Variants in LRRC7 observed in about 807,000 individuals in gnomAD.
LRRC7 encodes leucine-rich repeat-containing protein 7.
Under a neutral mutation model 175.7 loss-of-function variants are expected in LRRC7, and 23 were observed. That is an observed-to-expected ratio of 0.13 (90% confidence interval 0.09 to 0.19). The LOEUF is 0.19. Ranked by LOEUF, LRRC7 falls within the 10% of genes least tolerant of loss-of-function variation. The pLI, the probability that LRRC7 is intolerant of heterozygous loss-of-function variation, is 1.00. For missense variants in LRRC7, 1,354 were observed against 1,904.7 expected (o/e 0.71, Z 5.38); for synonymous variants, 685 against 680.9 (o/e 1.01, Z -0.09).
chr1:69,789,806 G>A (rs1674900327), intron 3 of LRRC7, among the ~76,000 whole-genome samples: 1 of 152,048 alleles, frequency 6.6e-6, no homozygotes, highest in African/African-American at 2.4e-5. Context: ...CATGATTCCT[G>A]CCTCCGTCAT....
chr1:69,899,235 C>CA (rs906513149), intron 7 of LRRC7, among the ~76,000 whole-genome samples: 1 of 152,056 alleles, frequency 6.6e-6, no homozygotes, highest in Non-Finnish European at 1.5e-5. Context: ...ATTGTGGTCA[C>CA]AAAAAATCGT....
intron 1 of LRRC7, among the ~76,000 whole-genome samples, chr1:69,605,081 G>T (rs1647309294): frequency 6.6e-6 from 1 of 152,302 alleles, no homozygotes; most frequent in South Asian, 2.1e-4. Context: ...ATCTCATCTT[G>T]AATTGTAGCT....
At chr1:69,916,209 AAATTT>A (rs1646707224) in intron 7 of LRRC7, among the ~76,000 whole-genome samples, 5 of 126,862 alleles carry the variant, frequency 3.9e-5, no homozygotes, top group Admixed American at 9.6e-5. Flanking sequence ...TATAAAAATA[AAATTT>A]TATTATGTAT....
intron 1 of LRRC7, among the ~76,000 whole-genome samples, chr1:69,572,900 T>C (rs1199100106): frequency 6.6e-6 from 1 of 152,050 alleles, no homozygotes; most frequent in Non-Finnish European, 1.5e-5. Flanking sequence ...TGTTTAGTGA[T>C]AGCATAGTAT....
chr1:70,096,218 C>T (rs1013599172), intron 25 of LRRC7, among the ~76,000 whole-genome samples: 2 of 152,206 alleles, frequency 1.3e-5, no homozygotes, highest in Non-Finnish European at 2.9e-5. Context: ...CTCAGGTGAT[C>T]CGCCTGCCGC....
At chr1:69,721,521 G>A (rs988478486) in intron 2 of LRRC7, among the ~76,000 whole-genome samples, 12 of 151,612 alleles carry the variant, frequency 7.9e-5, no homozygotes, top group African/African-American at 2.9e-4. Flanking sequence ...TTTTCTTCAT[G>A]TCCTTTCATT....
Position 70,038,610 on chromosome 1 carries a change from G to T in LRRC7, c.2786G>T (p.Gly929Val), listed in dbSNP as rs753775702. ...STEIPSPFSPGVPWEYHDSNP... is the reference protein window; with the variant it reads ...STEIPSPFSPVVPWEYHDSNP... ...GAAATACCTAGTCCTTTTTCTCCAG[G>T]CGTACCATGGGAGTATCATGATTCC... is the stretch of plus-strand genomic sequence containing the variant. The change falls in exon 21 of 27, where the codon GGC (glycine) becomes GTC (valine). Residue 929 changes from glycine to valine, a missense_variant. Gly to Val is a moderately radical substitution (Grantham distance 109). Transcript: ENST00000651989. The T allele has an allele frequency of 1.9e-6, 3 of 1,613,872 alleles. No homozygotes were observed. Among genetic ancestry groups the T allele is most frequent in the Non-Finnish European group, 2.5e-6 (3 of 1,179,968 alleles).
intron 1 of LRRC7, among the ~76,000 whole-genome samples, chr1:69,609,694 G>T (rs1648390174): frequency 6.6e-6 from 1 of 151,936 alleles, no homozygotes; most frequent in South Asian, 2.1e-4. Flanking sequence ...GCCAATGTGA[G>T]AACTGCTCTT....
chr1:69,822,795 C>T (rs896247506), intron 4 of LRRC7, among the ~76,000 whole-genome samples: 2 of 152,154 alleles, frequency 1.3e-5, no homozygotes, highest in African/African-American at 2.4e-5. Flanking sequence ...AGCTTTGCTC[C>T]AATGATATGC....
intron 1 of LRRC7, among the ~76,000 whole-genome samples, chr1:69,611,567 A>G (rs1338559506): frequency 6.6e-6 from 1 of 152,056 alleles, no homozygotes; most frequent in Admixed American, 6.6e-5. Flanking sequence ...TTTCTGTTTA[A>G]AGACACTTCA....
At chr1:69,839,458 C>T (rs1211269910) in intron 7 of LRRC7, among the ~76,000 whole-genome samples, 2 of 152,162 alleles carry the variant, frequency 1.3e-5, no homozygotes, top group Middle Eastern at 3.4e-3. Context: ...GGGCCTAACC[C>T]AAGGAACCCC....
At chr1:70,072,277 G>C (rs1421378239) in intron 23 of LRRC7, among the ~76,000 whole-genome samples, 1 of 152,108 alleles carries the variant, frequency 6.6e-6, no homozygotes. Flanking sequence ...TTCCCCTTCA[G>C]TATGAGTCAG....
intron 2 of LRRC7, among the ~76,000 whole-genome samples, chr1:69,756,947 C>A (rs1464396958): frequency 1.3e-5 from 2 of 151,816 alleles, no homozygotes; most frequent in Non-Finnish European, 2.9e-5. Context: ...CATGGAGTAG[C>A]ACTACAATCA....
chr1:70,067,709 G>T (rs868028761), intron 23 of LRRC7, among the ~76,000 whole-genome samples: 2 of 152,058 alleles, frequency 1.3e-5, no homozygotes, highest in Non-Finnish European at 2.9e-5. Flanking sequence ...TCAATTTGGA[G>T]AGGATCTTTA....
intron 24 of LRRC7, among the ~76,000 whole-genome samples, 164 bp from the exon 25 acceptor site, chr1:70,089,563 T>G (rs899254074): frequency 3.9e-5 from 6 of 152,210 alleles, no homozygotes; most frequent in Non-Finnish European, 7.4e-5. Context: ...ATAGAAACAT[T>G]AAACATTTTG....
At chr1:69,740,139 G>A (rs1668549858) in intron 2 of LRRC7, among the ~76,000 whole-genome samples, 1 of 152,078 alleles carries the variant, frequency 6.6e-6, no homozygotes. Flanking sequence ...ATGGATGGCT[G>A]GATAAGTCTT....
chr1:69,665,296 T>G (rs935164853), intron 1 of LRRC7, among the ~76,000 whole-genome samples: 1 of 152,118 alleles, frequency 6.6e-6, no homozygotes, highest in Non-Finnish European at 1.5e-5. Flanking sequence ...GAGTCTCTTG[T>G]GGTTTCATAT....
Position 69,764,791 on chromosome 1 carries a change from A to G in LRRC7, c.303+4398A>G, listed in dbSNP as rs568828349. Among the ~76,000 whole-genome samples the G allele has an allele frequency of 6.1e-5, 9 of 147,374 alleles. No homozygotes were observed. The South Asian group carries it at 1.9e-3, about 31-fold the overall frequency. ...TAGATAGATAGATAGACAGACAGAC[A>G]GATAGATAACTGGGCAAGATGATGT... On this transcript the variant is annotated intron_variant, in intron 3 of 26. Transcript: ENST00000651989.
At chr1:69,903,880 A>G (rs1198894395) in intron 7 of LRRC7, among the ~76,000 whole-genome samples, 1 of 152,228 alleles carries the variant, frequency 6.6e-6, no homozygotes, top group Non-Finnish European at 1.5e-5. Flanking sequence ...AAACACCTCT[A>G]TGCCAATAAA....
Sources: gnomAD v4.1 joint callset for allele counts (sites outside exome capture counted in the v4.1 genomes callset) on GRCh38, gnomAD v4.1.1 for gene constraint, MANE v1.5 for transcripts, NCBI Gene and HGNC (gene_info 2026-07-23, HGNC 2026-07-21) for gene names.